The following LGALS8 variants were observed in gnomAD, a reference collection of about 807,000 sequenced individuals.
LGALS8 encodes the protein galectin 8.
In LGALS8, 30 loss-of-function variants were observed where a neutral mutation model predicts 35.9. The observed-to-expected ratio is 0.83, with a 90% CI of 0.62 to 1.13. LGALS8 has a LOEUF of 1.13. LGALS8 is among the 50% of genes most tolerant of loss of function. The pLI is 0.00. For synonymous variants in LGALS8, 138 were observed against 136.1 expected (o/e 1.01, Z -0.10); for missense variants, 366 against 388.7 (o/e 0.94, Z 0.49).
intron 8 of LGALS8, 71 bp from the exon 9 acceptor site, chr1:236,544,679 A>G (rs1253160772): frequency 8.3e-6 from 10 of 1,205,180 alleles, no homozygotes; most frequent in African/African-American, 1.5e-5. Context: ...GGTCACTAAC[A>G]TTGCTGAAAT....
At position 236,548,234 on chromosome 1, in the gene LGALS8, C is replaced by A; in HGVS notation, c.*73C>A. 7.7e-7 allele frequency: 1 copy of A among 1,297,488 alleles called. No individual in the cohort carries two copies. The highest frequency in any genetic ancestry group is 1.1e-6 in the Non-Finnish European group (1 of 920,370). The allele number at this position is 1,297,488 out of a possible 1,614,324, so 80.4% of individuals were successfully genotyped here. ...TGATACTGGCCTTGCTGAAACGCAT[C>A]TCACTGTCATTCTATTGTTTATATT... is the stretch of plus-strand genomic sequence containing the variant. On this transcript the variant is annotated 3_prime_UTR_variant, in exon 10 of 10. Transcript: ENST00000366584.
At chr1:236,519,582 C>T (rs914873038), upstream of LGALS8, among the ~76,000 whole-genome samples, 3 of 152,216 alleles carry the variant, frequency 2.0e-5, no homozygotes, top group Non-Finnish European at 2.9e-5. Context: ...AACTGGTTTT[C>T]GCAACTTTTA....
rs187111168 is a variant in LGALS8, at chr1:236,530,201, C to G, written c.45+4086C>G. On this transcript the variant is annotated intron_variant, in intron 2 of 9. Transcript: ENST00000366584. ...AGTTGCTTGTCAACATAAATCCTACCTGGTACCCAGTTTTCTTAGGAACCT... is the reference window on the plus strand; with the variant it reads ...AGTTGCTTGTCAACATAAATCCTACGTGGTACCCAGTTTTCTTAGGAACCT... Among the ~76,000 whole-genome samples, 83 of 152,328 alleles carry G rather than the reference C, an allele frequency of 5.4e-4. No individual in the cohort carries two copies. In the East Asian group the frequency reaches 0.014, roughly 25 times the overall value.
intron 1 of LGALS8, 177 bp downstream of exon 1, chr1:236,524,238 G>A (rs1317790521): frequency 2.2e-6 from 1 of 456,012 alleles, no homozygotes; most frequent in African/African-American, 2.0e-5. Flanking sequence ...GGCAGAGCCG[G>A]GGCTGGGTGG....
At chr1:236,539,669 A>C (rs1389861669) in intron 4 of LGALS8, among the ~76,000 whole-genome samples, 1 of 152,326 alleles carries the variant, frequency 6.6e-6, no homozygotes, top group African/African-American at 2.4e-5. Context: ...CCCACAGTAG[A>C]GGTATGTACC....
At chr1:236,544,978 G>A in intron 9 of LGALS8, 63 bp downstream of exon 9, 15 of 1,319,138 alleles carry the variant, frequency 1.1e-5, no homozygotes, top group Non-Finnish European at 1.6e-5. Context: ...GGTGGGATAA[G>A]TGGTCCATTT....
chr1:236,548,732 C>T lies in LGALS8; in HGVS notation c.*571C>T. ...AGTGATCACTGTCATAACCAGTGCT[C>T]TACCGTATCCCATCACTGAGGACTG... On this transcript the variant is annotated 3_prime_UTR_variant, in exon 10 of 10. Transcript: ENST00000366584. The T allele has an allele frequency of 2.6e-6, 1 of 390,120 alleles. No individual in the cohort carries two copies. Among genetic ancestry groups the T allele is most frequent in the Non-Finnish European group, 4.5e-6 (1 of 221,412 alleles). 24.2% of individuals were successfully genotyped at this position (390,120 alleles called of 1,614,324 possible). A position where few individuals can be genotyped will look rare whatever the true frequency, so the allele number is the denominator to read the frequency against.
chr1:236,551,086 C>G lies in LGALS8; in HGVS notation c.*2925C>G. 1 of 883,862 alleles carries G rather than the reference C, an allele frequency of 1.1e-6. No homozygotes were observed. Among genetic ancestry groups the G allele is most frequent in the Non-Finnish European group, 1.7e-6 (1 of 593,804 alleles). The allele number at this position is 883,862 out of a possible 1,614,324, so 54.8% of individuals were successfully genotyped here. A position where few individuals can be genotyped will look rare whatever the true frequency, so the allele number is the denominator to read the frequency against. On this transcript the variant is annotated 3_prime_UTR_variant, in exon 10 of 10. Transcript: ENST00000366584. Reference sequence around the variant, plus strand: ...ATTCTTAATGCCTTGCACTTTCCGGCAATCATTCAATCAAAAGAGTGAAAT... The same window carrying G: ...ATTCTTAATGCCTTGCACTTTCCGGGAATCATTCAATCAAAAGAGTGAAAT...
intron 8 of LGALS8, among the ~76,000 whole-genome samples, chr1:236,544,310 A>G (rs1662222392): frequency 6.6e-6 from 1 of 152,126 alleles, no homozygotes; most frequent in African/African-American, 2.4e-5. Flanking sequence ...TGCTTTAACA[A>G]CTTTTTCCAC....
At chr1:236,541,763 GC>G in intron 6 of LGALS8, 53 bp downstream of exon 6, 1 of 931,336 alleles carries the variant, frequency 1.1e-6, no homozygotes, top group Non-Finnish European at 1.6e-6. Flanking sequence ...TGTTTTAGCT[GC>G]CATGTTAATG....
At chr1:236,521,954 C>A (rs75525330), upstream of LGALS8, among the ~76,000 whole-genome samples, 3 of 152,026 alleles carry the variant, frequency 2.0e-5, no homozygotes, top group Non-Finnish European at 4.4e-5. Context: ...ATAGGGAGAC[C>A]GATTAGGATA....
At chr1:236,536,982 C>T (rs1053147170) in intron 2 of LGALS8, among the ~76,000 whole-genome samples, 3 of 146,020 alleles carry the variant, frequency 2.1e-5, no homozygotes, top group Non-Finnish European at 3.1e-5. Context: ...TAGTGGTTTG[C>T]AGCTATTGCA....
At chr1:236,539,326 T>C in intron 4 of LGALS8, 1 of 497,218 alleles carries the variant, frequency 2.0e-6, no homozygotes, top group South Asian at 2.3e-5. Flanking sequence ...CAGATCTTTT[T>C]ATTAGATCCT....
chr1:236,548,099 A>G lies in LGALS8; in HGVS notation c.892A>G (p.Ser298Gly). 6.2e-7 allele frequency: 1 copy of G among 1,613,590 alleles called. No homozygotes were observed. The highest frequency in any genetic ancestry group is 8.5e-7 in the Non-Finnish European group (1 of 1,179,478). The change falls in exon 10 of 10, where the codon AGC becomes GGC. Residue 298 changes from serine (S) to glycine (G), a missense_variant. Ser to Gly is a moderately conservative substitution (Grantham distance 56). Coordinates refer to ENST00000366584, the MANE Select transcript of LGALS8 (RefSeq NM_201544.4). Reference sequence around the variant, plus strand: ...GTACAAACACAGATTTAAAGAGCTCAGCAGTATTGACACGCTGGAAATTAA... The same window carrying G: ...GTACAAACACAGATTTAAAGAGCTCGGCAGTATTGACACGCTGGAAATTAA... ...LEYKHRFKEL[S>G]SIDTLEINGD...
intron 2 of LGALS8, among the ~76,000 whole-genome samples, chr1:236,537,025 T>TTTTTGTTTTTTG (rs902968738): frequency 0.016 from 2,226 of 142,146 alleles, 120 homozygotes; most frequent in East Asian, 0.11. Context: ...CAGTTCCTTT[T>TTTTTGTTTTTTG]TTTTTTTTTG....
intron 2 of LGALS8, among the ~76,000 whole-genome samples, chr1:236,535,452 T>C (rs1209284137): frequency 6.6e-6 from 1 of 151,928 alleles, no homozygotes; most frequent in Non-Finnish European, 1.5e-5. Flanking sequence ...TATATGGCTC[T>C]ATAGATTACT....
At position 236,548,976 on chromosome 1, in the gene LGALS8, C is replaced by T. The variant is rs1662582487; in HGVS notation, c.*815C>T. ...AAATCAGAGTCTACACAGACGCCTACAGAAAGTTTCAGGAAGAGGCAAGAT... is the reference window on the plus strand; with the variant it reads ...AAATCAGAGTCTACACAGACGCCTATAGAAAGTTTCAGGAAGAGGCAAGAT... On this transcript the variant is annotated 3_prime_UTR_variant, in exon 10 of 10. Transcript: ENST00000366584. 2.0e-5 allele frequency: 8 copies of T among 398,498 alleles called. No homozygotes were observed. Among genetic ancestry groups the T allele is most frequent in the Non-Finnish European group, 3.1e-5 (7 of 226,068 alleles). 24.7% of individuals were successfully genotyped at this position (398,498 alleles called of 1,614,324 possible). A position where few individuals can be genotyped will look rare whatever the true frequency, so the allele number is the denominator to read the frequency against.
At chr1:236,519,968 T>G (rs1200202182), upstream of LGALS8, among the ~76,000 whole-genome samples, 1 of 149,496 alleles carries the variant, frequency 6.7e-6, no homozygotes, top group Non-Finnish European at 1.5e-5. Context: ...TTTTTTTTTT[T>G]TTTTTTTAGA....
At position 236,548,109 on chromosome 1, in the gene LGALS8, A is replaced by G; in HGVS notation, c.902A>G (p.Asp301Gly). ...AGATTTAAAGAGCTCAGCAGTATTG[A>G]CACGCTGGAAATTAATGGAGACATC... ...KHRFKELSSI[D>G]TLEINGDIHL... Residue 301 changes from aspartate to glycine, a missense_variant, in exon 10 of 10, where the codon GAC becomes GGC. Asp to Gly is a moderately conservative substitution (Grantham distance 94). Coordinates refer to ENST00000366584, the MANE Select transcript of LGALS8 (RefSeq NM_201544.4). 1.9e-6 allele frequency: 3 copies of G among 1,613,976 alleles called. No individual in the cohort carries two copies. The highest frequency in any genetic ancestry group is 2.5e-6 in the Non-Finnish European group (3 of 1,179,820).
Sources: allele counts gnomAD v4.1 joint callset (sites outside exome capture counted in the v4.1 genomes callset), GRCh38; gene constraint gnomAD v4.1.1; transcripts MANE v1.5; gene names NCBI Gene and HGNC (gene_info 2026-07-23, HGNC 2026-07-21).